RANGAP1: variants seen among roughly 807,000 people sequenced by gnomAD.
RANGAP1 encodes Ran GTPase activating protein 1.
A neutral mutation model predicts 63.5 loss-of-function variants in RANGAP1; 38 were observed. That is an observed-to-expected ratio of 0.60 (90% CI 0.46 to 0.78). The LOEUF is 0.78. RANGAP1 is among the 30% of genes least tolerant of loss of function. The probability of loss-of-function intolerance (pLI) is 0.00; values close to 1 mark genes in which losing one functional copy is unlikely to be tolerated. For synonymous variants in RANGAP1, 329 were observed against 310.5 expected (o/e 1.06, Z -0.63); for missense variants, 630 against 740.3 (o/e 0.85, Z 1.73).
In RANGAP1 at chr22:41,268,168, A is replaced by G. The variant is rs1308319910; in HGVS notation, c.241-12T>C. 6.5e-7 allele frequency: 1 copy of G among 1,541,140 alleles called. No homozygotes were observed. On this transcript the variant is annotated splice_polypyrimidine_tract_variant and intron_variant, in intron 3 of 15. Transcript: ENST00000356244. ...CTCCAGTGGCAGCGCTGCAACGGAA[A>G]GAAGAGAAGAGTTAGCGGGAGAGAG...
chr22:41,253,963 C>T (rs1235979910), intron 11 of RANGAP1, among the ~76,000 whole-genome samples: 1 of 151,894 alleles, frequency 6.6e-6, no homozygotes, highest in African/African-American at 2.4e-5. Flanking sequence ...CAAAAATTAG[C>T]CAGGCGTGGT....
chr22:41,290,033 A>G (rs957008550), upstream of RANGAP1, among the ~76,000 whole-genome samples: 1 of 151,840 alleles, frequency 6.6e-6, no homozygotes, highest in Non-Finnish European at 1.5e-5. Flanking sequence ...CCCAGCTACT[A>G]GGGAGGCTGA....
intron 12 of RANGAP1, among the ~76,000 whole-genome samples, chr22:41,251,730 G>A (rs1450583702): frequency 1.3e-5 from 2 of 151,936 alleles, no homozygotes; most frequent in Non-Finnish European, 2.9e-5. Flanking sequence ...ATGCAGAAAC[G>A]TTTACCTCAA....
chr22:41,270,370 C>G (rs1450916737), intron 3 of RANGAP1, among the ~76,000 whole-genome samples: 1 of 152,166 alleles, frequency 6.6e-6, no homozygotes, highest in Non-Finnish European at 1.5e-5. Context: ...GTCTTGAACT[C>G]CTGACCTCAG....
At position 41,246,606 on chromosome 22, in the gene RANGAP1, G is replaced by C. The variant is rs530601838; in HGVS notation, c.1761C>G (p.Val587=). 62 of 1,571,332 alleles carry C rather than the reference G, an allele frequency of 3.9e-5. No individual in the cohort carries two copies. The highest frequency in any genetic ancestry group is 5.4e-5 in the Non-Finnish European group (62 of 1,155,904). Residue 587 remains valine, a synonymous_variant, in exon 16 of 16, where the codon GTC becomes GTG. Transcript: ENST00000356244. Reference sequence around the variant, plus strand: ...AGGGATGGGAGAGGCTTTGAGTCTAGACCTTGTACAGCGTCTGCAGCAGAC... The same window carrying C: ...AGGGATGGGAGAGGCTTTGAGTCTACACCTTGTACAGCGTCTGCAGCAGAC... The part of the protein sequence containing the change: ...RHSLLQTLYK[V]
At chr22:41,255,372 C>T (rs2145710138) in intron 10 of RANGAP1, among the ~76,000 whole-genome samples, 1 of 152,260 alleles carries the variant, frequency 6.6e-6, no homozygotes, top group Admixed American at 6.5e-5. Context: ...CACAGGGAGC[C>T]CGATGCTGAT....
chr22:41,281,065 C>A lies in RANGAP1; in HGVS notation c.-21G>T. The A allele has an allele frequency of 6.4e-7, 1 of 1,568,154 alleles. No homozygotes were observed. Reference sequence around the variant, plus strand: ...GCCATGTTGACTAGGCTGGTGGGCTCCCCTGGAGATCTGCAGACTGAGGAG... The same window carrying A: ...GCCATGTTGACTAGGCTGGTGGGCTACCCTGGAGATCTGCAGACTGAGGAG... On this transcript the variant is annotated 5_prime_UTR_variant, in exon 2 of 16. Coordinates refer to ENST00000356244, the MANE Select transcript of RANGAP1 (RefSeq NM_002883.4).
chr22:41,285,715 G>A, intron 1 of RANGAP1: 1 of 980,564 alleles, frequency 1.0e-6, no homozygotes, highest in Non-Finnish European at 1.2e-6. Context: ...TGACAACAAT[G>A]CTAATATGAG....
At chr22:41,278,738 C>G (rs538057919) in intron 2 of RANGAP1, among the ~76,000 whole-genome samples, 2 of 152,200 alleles carry the variant, frequency 1.3e-5, no homozygotes, top group Non-Finnish European at 2.9e-5. Context: ...ACAAGGGTGA[C>G]GCAAGCATCA....
the RANGAP1 span, among the ~76,000 whole-genome samples, chr22:41,292,843 C>T: frequency 6.6e-6 from 1 of 152,176 alleles, no homozygotes; most frequent in Admixed American, 6.5e-5. Flanking sequence ...GTGGCTCACG[C>T]CTGTATTCCC....
chr22:41,266,475 G>C (rs549888774), intron 4 of RANGAP1, among the ~76,000 whole-genome samples: 1 of 152,332 alleles, frequency 6.6e-6, no homozygotes, highest in South Asian at 2.1e-4. Context: ...AACTTGCACA[G>C]TGAGAATTCC....
upstream of RANGAP1, among the ~76,000 whole-genome samples, chr22:41,287,371 G>GT (rs148508883): frequency 0.36 from 36,486 of 101,228 alleles, 5,897 homozygotes; most frequent in Admixed American, 0.5. Context: ...CACAAACAGC[G>GT]TTTTTTTTTT....
chr22:41,277,446 T>G, intron 2 of RANGAP1: 1 of 1,190,818 alleles, frequency 8.4e-7, no homozygotes, highest in Non-Finnish European at 1.1e-6. Flanking sequence ...CTGCATTAAT[T>G]GTATAATCTG....
Position 41,254,297 on chromosome 22 carries a change from T to G in RANGAP1, c.1260+11A>C. 1.2e-6 allele frequency: 2 copies of G among 1,614,056 alleles called. No individual in the cohort carries two copies. The highest frequency in any genetic ancestry group is 1.7e-6 in the Non-Finnish European group (2 of 1,179,980). The stretch of plus-strand genomic sequence containing the variant: ...CCAGGGCTCTGATTGTGGCAGATGA[T>G]AGAAACTCACCCCAGTGTTAGGGTC... On this transcript the variant is annotated intron_variant, in intron 11 of 15. Transcript: ENST00000356244.
chr22:41,277,590 G>C (rs2035233793), intron 2 of RANGAP1: 1 of 954,700 alleles, frequency 1.0e-6, no homozygotes. Flanking sequence ...TGGTCAAGAA[G>C]GGTCTTGAGA....
At position 41,254,410 on chromosome 22, in the gene RANGAP1, C is replaced by T. The variant is rs769126182; in HGVS notation, c.1158G>A (p.Glu386=). Reference sequence around the variant, plus strand: ...CCTCCTCCTCCTCCTCTTCTTCCTCCTCTTCCTCATCTTCCTCCTCCTCTT... The same window carrying T: ...CCTCCTCCTCCTCCTCTTCTTCCTCTTCTTCCTCATCTTCCTCCTCCTCTT... The part of the protein sequence containing the change: ...AEEEEEEDEE[E]EEEEEEEEEE... The change falls in exon 11 of 16, where the codon GAG becomes GAA. Residue 386 remains glutamate (E), a synonymous_variant. Coordinates refer to ENST00000356244, the MANE Select transcript of RANGAP1 (RefSeq NM_002883.4). The T allele has an allele frequency of 6.8e-6, 11 of 1,613,426 alleles. No individual in the cohort carries two copies. Among genetic ancestry groups the T allele is most frequent in the Middle Eastern group, 1.7e-4 (1 of 6,058 alleles).
chr22:41,271,420 G>T (rs1461044184), intron 3 of RANGAP1, among the ~76,000 whole-genome samples: 1 of 150,652 alleles, frequency 6.6e-6, no homozygotes, highest in South Asian at 2.1e-4. Context: ...AAAAACGCCG[G>T]GTGCAGAGGC....
intron 2 of RANGAP1, chr22:41,280,529 C>A: frequency 1.6e-6 from 1 of 608,988 alleles, no homozygotes; most frequent in Non-Finnish European, 2.5e-6. Flanking sequence ...GCAGCTCCAC[C>A]AGAGCCTCAG....
At position 41,246,536 on chromosome 22, in the gene RANGAP1, GCCTC is replaced by G; in HGVS notation, c.*63_*66del. On this transcript the variant is annotated 3_prime_UTR_variant, in exon 16 of 16. Coordinates refer to ENST00000356244, the MANE Select transcript of RANGAP1 (RefSeq NM_002883.4). ...TGTCCAAGGCAATGGCGTAGGCTGC[GCCTC>G]AGTTCATCCGAGTCCCTCCCCAGCT... is the stretch of plus-strand genomic sequence containing the variant. The G allele has an allele frequency of 6.9e-7, 1 of 1,453,946 alleles. No individual in the cohort carries two copies. Among genetic ancestry groups the G allele is most frequent in the South Asian group, 1.2e-5 (1 of 81,812 alleles). The allele number at this position is 1,453,946 out of a possible 1,614,324, so 90.1% of individuals were successfully genotyped here.
Sources: gnomAD v4.1 joint callset for allele counts (sites outside exome capture counted in the v4.1 genomes callset) on GRCh38, gnomAD v4.1.1 for gene constraint, MANE v1.5 for transcripts, NCBI Gene and HGNC (gene_info 2026-07-23, HGNC 2026-07-21) for gene names.